Variants in CDC45 observed in about 807,000 individuals in gnomAD.
CDC45 encodes cell division cycle 45, also known as cell division control protein 45 homolog.
A neutral mutation model predicts 77.8 loss-of-function variants in CDC45; 54 were observed. That is an observed-to-expected ratio of 0.69 (90% CI 0.56 to 0.87). CDC45 has a LOEUF of 0.87. CDC45 is among the 40% of genes least tolerant of loss of function. The pLI, the probability that CDC45 is intolerant of heterozygous loss-of-function variation, is 0.00. For synonymous variants in CDC45, 260 were observed against 272.1 expected (o/e 0.96, Z 0.44); for missense variants, 649 against 721.6 (o/e 0.90, Z 1.15).
At chr22:19,518,737 G>A (rs775986428) in intron 17 of CDC45, 107 bp from the exon 18 acceptor site, 60 of 848,878 alleles carry the variant, frequency 7.1e-5, no homozygotes, top group Non-Finnish European at 9.8e-5. Context: ...GGGAGGAGCC[G>A]CGCACTTTGG....
In CDC45 at chr22:19,480,194, C is replaced by T. The variant is rs4141527; in HGVS notation, c.88C>T (p.Leu30=). 50,945 of 1,613,868 alleles carry T rather than the reference C, an allele frequency of 0.032. 1,669 individuals are homozygous for T. Among genetic ancestry groups the T allele is most frequent in the East Asian group, 0.11 (4,926 of 44,854 alleles). The change falls in exon 2 of 19, where the codon CTG becomes TTG. Residue 30 remains leucine (L), a synonymous_variant. Coordinates refer to ENST00000263201, the MANE Select transcript of CDC45 (RefSeq NM_003504.5). The stretch of plus-strand genomic sequence containing the variant: ...CTTCGTGGCCTCGGACGTGGATGCT[C>T]TGTGTGCGTGCAAGATCCTTCAGGT... ...LLFVASDVDA[L]CACKILQALF...
intron 7 of CDC45, among the ~76,000 whole-genome samples, chr22:19,496,614 T>C (rs2090247188): frequency 6.6e-6 from 1 of 152,234 alleles, no homozygotes; most frequent in African/African-American, 2.4e-5. Flanking sequence ...TTGCTGTCTC[T>C]GCTCAGTCCT....
chr22:19,497,324 G>T, intron 7 of CDC45, 62 bp from the exon 8 acceptor site: 1 of 1,502,282 alleles, frequency 6.7e-7, no homozygotes, highest in South Asian at 1.1e-5. Flanking sequence ...CAGTCTGGCT[G>T]CATGGCCCAG....
intron 13 of CDC45, among the ~76,000 whole-genome samples, chr22:19,512,412 C>G (rs1029521130): frequency 2.6e-5 from 4 of 152,172 alleles, no homozygotes; most frequent in African/African-American, 7.2e-5. Context: ...TTCATGGTCT[C>G]TTTTTACCTG....
In CDC45 at chr22:19,508,547, T is replaced by C. The variant is rs778860251; in HGVS notation, c.1073T>C (p.Val358Ala). ...ANKFGMKDMRVQTFSIHFGFK... is the reference protein window; with the variant it reads ...ANKFGMKDMRAQTFSIHFGFK... ...CATGACAGGATGAAGGACATGCGCG[T>C]GCAGACTTTCAGCATTCATTTTGGG... Residue 358 changes from valine to alanine, a missense_variant, in exon 13 of 19, where the codon GTG (valine) becomes GCG (alanine). Transcript: ENST00000263201. 6.2e-7 allele frequency: 1 copy of C among 1,614,238 alleles called. No homozygotes were observed. The highest frequency in any genetic ancestry group is 1.1e-5 in the South Asian group (1 of 91,090).
chr22:19,510,848 A>G (rs1933473474), intron 13 of CDC45, among the ~76,000 whole-genome samples: 1 of 152,188 alleles, frequency 6.6e-6, no homozygotes, highest in South Asian at 2.1e-4. Flanking sequence ...ATTATAAATA[A>G]TATTCCATTG....
rs13447282 is a variant in CDC45, at chr22:19,516,663, G to A, written c.1559+18G>A. 7.5e-4 allele frequency: 1,191 copies of A among 1,597,282 alleles called. 12 individuals are homozygous for A. The African/African-American group carries it at 0.014, about 19-fold the overall frequency. On this transcript the variant is annotated intron_variant, in intron 16 of 18. Coordinates refer to ENST00000263201, the MANE Select transcript of CDC45 (RefSeq NM_003504.5). ...AGGAAGAAGTGAGCAGCTTCCACTC[G>A]TCCTGGGACTGGAGGGTCGGGGGTG...
intron 13 of CDC45, among the ~76,000 whole-genome samples, chr22:19,513,053 C>T (rs984730420): frequency 6.6e-6 from 1 of 152,210 alleles, no homozygotes; most frequent in African/African-American, 2.4e-5. Context: ...AACTCACTTA[C>T]ACCCCCTAGC....
At chr22:19,494,256 C>A in intron 5 of CDC45, 71 bp from the exon 6 acceptor site, 3 of 1,422,026 alleles carry the variant, frequency 2.1e-6, no homozygotes, top group Admixed American at 1.8e-5. Context: ...CAAATTGGAA[C>A]CTTCTTGGGC....
At position 19,483,908 on chromosome 22, in the gene CDC45, A is replaced by T; in HGVS notation, c.389A>T (p.Tyr130Phe). 2 of 1,613,598 alleles carry T rather than the reference A, an allele frequency of 1.2e-6. No individual in the cohort carries two copies. The highest frequency in any genetic ancestry group is 2.2e-5 in the South Asian group (2 of 90,936). Residue 130 changes from tyrosine (Y) to phenylalanine (F), a missense_variant, in exon 5 of 19, where the codon TAT (tyrosine) becomes TTT (phenylalanine). Coordinates refer to ENST00000263201, the MANE Select transcript of CDC45 (RefSeq NM_003504.5). ...GATGATGACCTTGAAGTTCCCGCCT[A>T]TGAAGACATCTTCAGGGATGAAGAG... ...KQDDDLEVPAYEDIFRDEEED... is the reference protein window; with the variant it reads ...KQDDDLEVPAFEDIFRDEEED...
Position 19,515,835 on chromosome 22 carries a change from A to T in CDC45, c.1441-692A>T, listed in dbSNP as rs539194587. 1.8e-4 allele frequency among the ~76,000 whole-genome samples: 28 copies of T among 152,310 alleles called. No homozygotes were observed. In the South Asian group the frequency reaches 4.6e-3, roughly 25 times the overall value. ...TTCCTCATCCGTGAAATGGGTGAAC[A>T]CATACCCACTTTACAGGATCCATTC... On this transcript the variant is annotated intron_variant, in intron 15 of 18. Coordinates refer to ENST00000263201, the MANE Select transcript of CDC45 (RefSeq NM_003504.5).
chr22:19,498,247 T>C (rs2090279421), intron 8 of CDC45, among the ~76,000 whole-genome samples: 1 of 152,362 alleles, frequency 6.6e-6, no homozygotes, highest in East Asian at 1.9e-4. Flanking sequence ...GAAGATTTCC[T>C]GAGCCCAGAA....
At chr22:19,487,306 A>G (rs1464500306) in intron 5 of CDC45, among the ~76,000 whole-genome samples, 3 of 151,510 alleles carry the variant, frequency 2.0e-5, no homozygotes, top group African/African-American at 7.3e-5. Flanking sequence ...AAAAAAAAAA[A>G]AAAAAGAAAT....
chr22:19,499,820 C>T (rs1197263544), intron 9 of CDC45, among the ~76,000 whole-genome samples: 1 of 152,186 alleles, frequency 6.6e-6, no homozygotes, highest in Non-Finnish European at 1.5e-5. Context: ...ACCTAGACCC[C>T]AACATGCTGG....
chr22:19,482,686 TC>T lies in CDC45; in HGVS notation c.205-3del. The T allele has an allele frequency of 6.2e-7, 1 of 1,612,734 alleles. No individual in the cohort carries two copies. Among genetic ancestry groups the T allele is most frequent in the East Asian group, 2.2e-5 (1 of 44,878 alleles). On this transcript the variant is annotated splice_polypyrimidine_tract_variant and splice_region_variant and intron_variant, in intron 3 of 18. Coordinates refer to ENST00000263201, the MANE Select transcript of CDC45 (RefSeq NM_003504.5). ...CTACTTTACAATATCTTCCTTTTTTTCAGTTTCATTATTTTATTCTCATAAA... is the reference window on the plus strand; with the variant it reads ...CTACTTTACAATATCTTCCTTTTTTTAGTTTCATTATTTTATTCTCATAAA...
rs1933259574 is a variant in CDC45 at position 19,507,466 on chromosome 22, T to A, written c.905T>A (p.Leu302Gln). ...AGCTATACCGCAGCCAGGTTCAAGC[T>A]GTGGTCTGTGCATGGACAGAAGCGG... is the stretch of plus-strand genomic sequence containing the variant. Reference protein sequence around the residue: ...NTSYTAARFKLWSVHGQKRLQ... With the variant: ...NTSYTAARFKQWSVHGQKRLQ... The change falls in exon 11 of 19, where the codon CTG (leucine) becomes CAG (glutamine). Residue 302 changes from leucine (L) to glutamine (Q), a missense_variant. Coordinates refer to ENST00000263201, the MANE Select transcript of CDC45 (RefSeq NM_003504.5). 6.2e-7 allele frequency: 1 copy of A among 1,614,060 alleles called. No homozygotes were observed. The highest frequency in any genetic ancestry group is 1.1e-5 in the South Asian group (1 of 91,088).
upstream of CDC45, chr22:19,479,667 C>T (rs2089939335): frequency 2.9e-6 from 2 of 680,520 alleles, no homozygotes; most frequent in Admixed American, 4.1e-5. Flanking sequence ...TAAAGATGTC[C>T]GCCCAGCGTC....
chr22:19,480,363 A>T, intron 2 of CDC45, 146 bp downstream of exon 2: 1 of 767,676 alleles, frequency 1.3e-6, no homozygotes, highest in Non-Finnish European at 2.3e-6. Context: ...AGCAAGTGAG[A>T]GGAGAGAGAC....
At chr22:19,495,755 A>G (rs2090230808) in intron 6 of CDC45, among the ~76,000 whole-genome samples, 1 of 152,164 alleles carries the variant, frequency 6.6e-6, no homozygotes, top group Non-Finnish European at 1.5e-5. Flanking sequence ...CCAGGATGTC[A>G]AGGCTGCAGT....
Sources: allele counts gnomAD v4.1 joint callset (sites outside exome capture counted in the v4.1 genomes callset), GRCh38; gene constraint gnomAD v4.1.1; transcripts MANE v1.5; gene names NCBI Gene and HGNC (gene_info 2026-07-23, HGNC 2026-07-21).